Variants in NEK1 observed in about 807,000 individuals in gnomAD.
NEK1 encodes serine/threonine-protein kinase Nek1.
A neutral mutation model predicts 182.1 loss-of-function variants in NEK1; 137 were observed. The observed-to-expected ratio is 0.75, with a 90% CI of 0.65 to 0.87. The LOEUF is 0.87. Among genes scored for constraint, NEK1 ranks in the 40% least tolerant of loss-of-function variants. NEK1 has a pLI of 0.00. For synonymous variants in NEK1, 513 were observed against 492.2 expected (o/e 1.04, Z -0.56); for missense variants, 1,391 against 1,494.4 (o/e 0.93, Z 1.14).
intron 12 of NEK1, among the ~76,000 whole-genome samples, chr4:169,571,195 T>A (rs907139879): frequency 3.4e-5 from 5 of 147,172 alleles, no homozygotes; most frequent in African/African-American, 7.7e-5. Context: ...AATAAATAAA[T>A]AAATAAATAA....
At chr4:169,521,092 G>A (rs1305133570) in intron 19 of NEK1, among the ~76,000 whole-genome samples, 2 of 78,670 alleles carry the variant, frequency 2.5e-5, no homozygotes, top group Admixed American at 1.5e-4. Context: ...AATGGCGGGC[G>A]CCCCTCCCCC....
chr4:169,494,069 G>A (rs1248010997), intron 23 of NEK1, among the ~76,000 whole-genome samples: 1 of 151,220 alleles, frequency 6.6e-6, no homozygotes, highest in East Asian at 1.9e-4. Flanking sequence ...CTTTTAAAGG[G>A]AATCCCATCA....
intron 19 of NEK1, among the ~76,000 whole-genome samples, chr4:169,521,508 A>G (rs1246846169): frequency 2.0e-5 from 3 of 152,162 alleles, no homozygotes; most frequent in South Asian, 4.1e-4. Context: ...AGCTGTTCCT[A>G]TTCGGCCATC....
At chr4:169,550,820 T>C (rs920560056) in intron 18 of NEK1, among the ~76,000 whole-genome samples, 1 of 152,180 alleles carries the variant, frequency 6.6e-6, no homozygotes, top group Non-Finnish European at 1.5e-5. Context: ...CTTTTGACAT[T>C]TCAGCACTAT....
At chr4:169,609,550 T>C (rs537466254) in intron 2 of NEK1, among the ~76,000 whole-genome samples, 6 of 152,240 alleles carry the variant, frequency 3.9e-5, no homozygotes, top group African/African-American at 1.4e-4. Flanking sequence ...ATTTGTTTAG[T>C]AAAAGGAAAT....
At chr4:169,558,070 T>C (rs897293760) in intron 16 of NEK1, among the ~76,000 whole-genome samples, 10 of 152,190 alleles carry the variant, frequency 6.6e-5, no homozygotes, top group African/African-American at 2.4e-4. Flanking sequence ...CCTCAAAATG[T>C]ACATCTGAAG....
chr4:169,602,615 T>G lies in NEK1; in HGVS notation c.16A>C (p.Arg6=), dbSNP rs1770685529. MEKYV[R]LQKIGEGSFG... is the part of the protein sequence containing the mutation. ...GAACCTTCTCCAATCTTCTGTAGTC[T>G]AACATACTTCTCCATGATTCTTTTT... Residue 6 remains arginine (R), a synonymous_variant, in exon 3 of 36, where the codon AGA becomes CGA. Transcript: ENST00000507142. 6.3e-7 allele frequency: 1 copy of G among 1,592,238 alleles called. No individual in the cohort carries two copies. Among genetic ancestry groups the G allele is most frequent in the African/African-American group, 1.3e-5 (1 of 74,554 alleles).
chr4:169,602,203 CAGTTCAATCAACAAA>C (rs1770618046), intron 3 of NEK1, 99 bp from the exon 4 acceptor site: 1 of 797,556 alleles, frequency 1.3e-6, no homozygotes, highest in South Asian at 1.5e-5. Flanking sequence ...AGTATTAATA[CAGTTCAATCAACAAA>C]ATATAGCAAG....
At chr4:169,438,061 A>C (rs535513784) in intron 28 of NEK1, 22 bp downstream of exon 28, 7 of 1,575,874 alleles carry the variant, frequency 4.4e-6, no homozygotes, top group Non-Finnish European at 5.2e-6. Context: ...AATATAGCTC[A>C]TTTTGACTCA....
chr4:169,511,627 G>A (rs1754202120), intron 19 of NEK1, among the ~76,000 whole-genome samples: 1 of 152,036 alleles, frequency 6.6e-6, no homozygotes, highest in Non-Finnish European at 1.5e-5. Flanking sequence ...ATCAAAACCA[G>A]GAAACTGACA....
Position 169,507,788 on chromosome 4 carries a change from T to G in NEK1, c.1838A>C (p.Glu613Ala). 6.2e-7 allele frequency: 1 copy of G among 1,612,158 alleles called. No individual in the cohort carries two copies. Among genetic ancestry groups the G allele is most frequent in the South Asian group, 1.1e-5 (1 of 91,018 alleles). Residue 613 changes from glutamate to alanine, a missense_variant, in exon 22 of 36, where the codon GAA (glutamate) becomes GCA (alanine). Glu to Ala is a moderately radical substitution (Grantham distance 107). Transcript: ENST00000507142. ...TTCTTGTCCTTCAGAATGATTAGCT[T>G]CTTTCTACAAAATAAGTAGATAAGC... The part of the protein sequence containing the change: ...IKAKLRGEKK[E>A]ANHSEGQEGS...
At chr4:169,545,257 G>T (rs1279625550) in intron 18 of NEK1, among the ~76,000 whole-genome samples, 5 of 134,984 alleles carry the variant, frequency 3.7e-5, no homozygotes, top group African/African-American at 1.1e-4. Context: ...CATGTGTCCA[G>T]GTGATCTCAT....
intron 18 of NEK1, among the ~76,000 whole-genome samples, chr4:169,541,078 C>G (rs1021982925): frequency 6.6e-6 from 1 of 151,830 alleles, no homozygotes; most frequent in Admixed American, 6.6e-5. Context: ...AAGTAGCACT[C>G]TAGGTAATGG....
chr4:169,492,152 C>T (rs1750215717), intron 23 of NEK1, among the ~76,000 whole-genome samples: 1 of 152,208 alleles, frequency 6.6e-6, no homozygotes, highest in Admixed American at 6.5e-5. Context: ...CTATCAATAA[C>T]AATCTTCAAT....
chr4:169,514,074 C>T (rs545584620), intron 19 of NEK1, among the ~76,000 whole-genome samples: 73 of 151,948 alleles, frequency 4.8e-4, no homozygotes, highest in Non-Finnish European at 4.9e-4. Flanking sequence ...CAAGCTCCAC[C>T]TCCCGGGTTC....
intron 27 of NEK1, among the ~76,000 whole-genome samples, chr4:169,462,099 T>C (rs1347414146): frequency 6.6e-6 from 1 of 152,120 alleles, no homozygotes; most frequent in African/African-American, 2.4e-5. Context: ...ATTTTAAAAG[T>C]AATAGTGTTA....
chr4:169,503,436 C>T (rs1313995524), intron 23 of NEK1, among the ~76,000 whole-genome samples: 2 of 152,036 alleles, frequency 1.3e-5, no homozygotes, highest in East Asian at 1.9e-4. Flanking sequence ...GCAAAAAGAA[C>T]AAAACTGGAG....
chr4:169,607,877 A>G (rs1053554752), intron 2 of NEK1, among the ~76,000 whole-genome samples: 3 of 152,182 alleles, frequency 2.0e-5, no homozygotes, highest in African/African-American at 4.8e-5. Flanking sequence ...CAGGATTACT[A>G]GCCTATAAAA....
chr4:169,521,337 G>A (rs1231486950), intron 19 of NEK1, among the ~76,000 whole-genome samples: 2 of 58 alleles, frequency 0.034, no homozygotes, highest in Non-Finnish European at 0.077. Flanking sequence ...CGCTTCCCAG[G>A]TGAGGCAATG....
Sources: gnomAD v4.1 joint callset for allele counts (sites outside exome capture counted in the v4.1 genomes callset) on GRCh38, gnomAD v4.1.1 for gene constraint, MANE v1.5 for transcripts, NCBI Gene and HGNC (gene_info 2026-07-23, HGNC 2026-07-21) for gene names.